Variants in EDIL3 observed in about 807,000 individuals in gnomAD.
The protein encoded by EDIL3 is EGF-like repeat and discoidin I-like domain-containing protein 3.
In EDIL3, 37 loss-of-function variants were observed where a neutral mutation model predicts 67.4. That is an observed-to-expected ratio of 0.55 (90% CI 0.42 to 0.72). The LOEUF (loss-of-function observed/expected upper bound fraction) is 0.72. EDIL3 is among the 30% of genes least tolerant of loss of function. The probability of loss-of-function intolerance (pLI) is 0.00; values close to 1 mark genes in which losing one functional copy is unlikely to be tolerated. For synonymous variants in EDIL3, 195 were observed against 196.3 expected (o/e 0.99, Z 0.05); for missense variants, 527 against 586.3 (o/e 0.90, Z 1.04).
intron 2 of EDIL3, among the ~76,000 whole-genome samples, chr5:84,239,646 G>GAT (rs1259836474): frequency 6.6e-6 from 1 of 152,232 alleles, no homozygotes; most frequent in African/African-American, 2.4e-5. Flanking sequence ...CTAAAGGCAA[G>GAT]ATTAGTCAGA....
At chr5:84,195,107 T>A (rs531577968) in intron 3 of EDIL3, among the ~76,000 whole-genome samples, 1 of 151,930 alleles carries the variant, frequency 6.6e-6, no homozygotes, top group East Asian at 1.9e-4. Context: ...AATGTCACCA[T>A]CTGAATGGAC....
intron 1 of EDIL3, among the ~76,000 whole-genome samples, chr5:84,277,848 A>C (rs771143834): frequency 2.6e-5 from 4 of 152,006 alleles, no homozygotes; most frequent in Non-Finnish European, 4.4e-5. Flanking sequence ...CCTTTTTTTG[A>C]AAGTTAATAC....
intron 2 of EDIL3, among the ~76,000 whole-genome samples, chr5:84,252,174 C>T (rs1292229803): frequency 6.6e-6 from 1 of 151,946 alleles, no homozygotes; most frequent in Non-Finnish European, 1.5e-5. Context: ...AAAGTATAGC[C>T]CAAAAGTATA....
At chr5:84,210,377 A>G (rs1264122538) in intron 3 of EDIL3, among the ~76,000 whole-genome samples, 3 of 152,126 alleles carry the variant, frequency 2.0e-5, no homozygotes, top group Admixed American at 1.3e-4. Flanking sequence ...CTCATGCTCT[A>G]TATATTTTAT....
rs1035313649 is a variant in EDIL3 at position 83,941,201 on chromosome 5, G to A, written c.*2218C>T. ...ACCCCTTTGCTCTCATCAATTTTGG[G>A]TGTCATGAGAACAATAGGTATCCCG... On this transcript the variant is annotated 3_prime_UTR_variant, in exon 11 of 11. Coordinates refer to ENST00000296591, the MANE Select transcript of EDIL3 (RefSeq NM_005711.5). 1 of 151,932 alleles carries A rather than the reference G, an allele frequency of 6.6e-6. No homozygotes were observed. The highest frequency in any genetic ancestry group is 1.5e-5 in the Non-Finnish European group (1 of 67,886). The allele number at this position is 151,932 out of a possible 1,614,324, so 9.4% of individuals were successfully genotyped here.
At chr5:84,080,655 T>C (rs1173086481) in intron 6 of EDIL3, among the ~76,000 whole-genome samples, 1 of 152,188 alleles carries the variant, frequency 6.6e-6, no homozygotes, top group Admixed American at 6.5e-5. Flanking sequence ...GAAAAAGCTT[T>C]CTGAAAAACC....
At chr5:84,070,604 A>AGT (rs1237264465) in intron 6 of EDIL3, among the ~76,000 whole-genome samples, 1 of 114,352 alleles carries the variant, frequency 8.7e-6, no homozygotes, top group Non-Finnish European at 1.7e-5. Context: ...ACTATGGTTA[A>AGT]GAGTGTGTGT....
intron 2 of EDIL3, among the ~76,000 whole-genome samples, chr5:84,245,198 T>G (rs1448979655): frequency 6.6e-6 from 1 of 152,234 alleles, no homozygotes; most frequent in Non-Finnish European, 1.5e-5. Context: ...TTTAAATGTT[T>G]TATGGCCTAC....
At chr5:84,079,031 G>A (rs1467597101) in intron 6 of EDIL3, among the ~76,000 whole-genome samples, 1 of 152,008 alleles carries the variant, frequency 6.6e-6, no homozygotes, top group Non-Finnish European at 1.5e-5. Context: ...ACCATTACTG[G>A]CCAATGATTT....
chr5:84,067,174 A>T (rs535001654), intron 6 of EDIL3, among the ~76,000 whole-genome samples: 46 of 152,266 alleles, frequency 3.0e-4, no homozygotes, highest in African/African-American at 1.0e-3. Flanking sequence ...AGCATTTTTT[A>T]AAAAAATTAA....
At chr5:84,333,119 T>C (rs1353966) in intron 1 of EDIL3, among the ~76,000 whole-genome samples, 150,813 of 152,276 alleles carry the variant, frequency 0.99, 74,737 homozygotes, top group Non-Finnish European at 1. Context: ...AACTAAAAGA[T>C]AAGTATAATT....
At chr5:84,303,480 T>C (rs995477561) in intron 1 of EDIL3, among the ~76,000 whole-genome samples, 2 of 152,194 alleles carry the variant, frequency 1.3e-5, no homozygotes, top group African/African-American at 4.8e-5. Context: ...TTTTCCAAAT[T>C]GTTAATCTGC....
intron 3 of EDIL3, among the ~76,000 whole-genome samples, chr5:84,189,107 C>G (rs1250890331): frequency 6.6e-6 from 1 of 151,972 alleles, no homozygotes; most frequent in African/African-American, 2.4e-5. Flanking sequence ...CTCATATTAT[C>G]AGTAATTAAA....
intron 9 of EDIL3, among the ~76,000 whole-genome samples, chr5:83,968,356 TA>T (rs1441539953): frequency 2.6e-5 from 4 of 152,038 alleles, no homozygotes; most frequent in Non-Finnish European, 5.9e-5. Flanking sequence ...TCCCCTTTAC[TA>T]AAAAAATTTT....
At chr5:84,089,800 G>A (rs757710154) in intron 6 of EDIL3, among the ~76,000 whole-genome samples, 1 of 152,086 alleles carries the variant, frequency 6.6e-6, no homozygotes, top group Non-Finnish European at 1.5e-5. Flanking sequence ...TTACTCTGAT[G>A]TCCGTTGAGC....
intron 2 of EDIL3, among the ~76,000 whole-genome samples, chr5:84,247,782 C>CAT (rs937143874): frequency 3.3e-5 from 5 of 151,604 alleles, no homozygotes; most frequent in East Asian, 1.9e-4. Context: ...ATATGCTATA[C>CAT]ATATATATAT....
chr5:84,060,193 A>G (rs1285703876), intron 9 of EDIL3, 107 bp downstream of exon 9: 17 of 1,296,714 alleles, frequency 1.3e-5, no homozygotes, highest in African/African-American at 3.0e-5. Flanking sequence ...AGATGAAGGC[A>G]CATTTAAATT....
intron 1 of EDIL3, among the ~76,000 whole-genome samples, chr5:84,350,304 T>C (rs1248925124): frequency 2.0e-5 from 3 of 152,080 alleles, no homozygotes; most frequent in Non-Finnish European, 4.4e-5. Context: ...TTTCTTGACA[T>C]ACTGACTGGT....
intron 9 of EDIL3, among the ~76,000 whole-genome samples, chr5:84,059,409 G>T (rs768762977): frequency 6.6e-6 from 1 of 152,058 alleles, no homozygotes; most frequent in East Asian, 1.9e-4. Context: ...CTCAAAAAAG[G>T]AGAGGAGTGG....
Sources: allele counts gnomAD v4.1 joint callset (sites outside exome capture counted in the v4.1 genomes callset), GRCh38; gene constraint gnomAD v4.1.1; transcripts MANE v1.5; gene names NCBI Gene and HGNC (gene_info 2026-07-23, HGNC 2026-07-21).